MBD5: variants seen among roughly 807,000 people sequenced by gnomAD.
The protein encoded by MBD5 is methyl-CpG binding domain protein 5, also known as methyl-CpG-binding domain protein 5.
In MBD5, 13 loss-of-function variants were observed where a neutral mutation model predicts 117.3. The ratio of observed to expected loss-of-function variants is 0.11; its 90% CI spans 0.07 to 0.18. MBD5 has a LOEUF of 0.18. Ranked by LOEUF, MBD5 falls within the 10% of genes least tolerant of loss-of-function variation. The pLI, the probability that MBD5 is intolerant of heterozygous loss-of-function variation, is 1.00. For missense variants in MBD5, 1,879 were observed against 2,093.8 expected, an observed-to-expected ratio of 0.90 and a Z score of 2.00; for synonymous variants, 727 against 766.4, an observed-to-expected ratio of 0.95 and a Z score of 0.85.
chr2:148,489,900 G>C lies in MBD5; in HGVS notation c.4268G>C (p.Cys1423Ser), dbSNP rs1486727511. 6 of 1,614,032 alleles carry C rather than the reference G, an allele frequency of 3.7e-6. No individual in the cohort carries two copies. Among genetic ancestry groups the C allele is most frequent in the Non-Finnish European group, 5.1e-6 (6 of 1,180,050 alleles). The change falls in exon 11 of 14, where the codon TGC becomes TCC. Residue 1423 changes from cysteine (C) to serine (S), a missense_variant. By Grantham distance (112) the Cys-to-Ser change is moderately radical. Coordinates refer to ENST00000642680, the MANE Select transcript of MBD5 (RefSeq NM_001378120.1). ...TTTGAATATTTCAAGTCAGCAAGTTGCCACACATCCAAAAAACAGTGGGAC... is the reference window on the plus strand; with the variant it reads ...TTTGAATATTTCAAGTCAGCAAGTTCCCACACATCCAAAAAACAGTGGGAC... ...DGFEYFKSAS[C>S]HTSKKQWDGE...
chr2:148,459,490 T>G (rs983494132), intron 5 of MBD5, among the ~76,000 whole-genome samples: 5 of 151,926 alleles, frequency 3.3e-5, no homozygotes, highest in Admixed American at 1.3e-4. Flanking sequence ...GACTAAACTG[T>G]TAAGAAGAAG....
intron 1 of MBD5, chr2:148,055,173 G>T (rs1456287025): frequency 6.6e-6 from 1 of 152,024 alleles, no homozygotes; most frequent in Non-Finnish European, 1.5e-5. Flanking sequence ...TTGATAAATA[G>T]AAATAGTTAA....
chr2:148,044,045 T>C (rs1694449173), intron 1 of MBD5, among the ~76,000 whole-genome samples: 1 of 152,234 alleles, frequency 6.6e-6, no homozygotes, highest in African/African-American at 2.4e-5. Flanking sequence ...ACTTCAGATG[T>C]ACGTAGTGAT....
At chr2:148,338,467 C>G (rs1202279117) in intron 3 of MBD5, among the ~76,000 whole-genome samples, 1 of 151,926 alleles carries the variant, frequency 6.6e-6, no homozygotes, top group Non-Finnish European at 1.5e-5. Flanking sequence ...GGTATTTGTA[C>G]ATAATAATCA....
chr2:148,464,936 C>T (rs555186555), intron 7 of MBD5, among the ~76,000 whole-genome samples: 1 of 151,488 alleles, frequency 6.6e-6, no homozygotes, highest in African/African-American at 2.4e-5. Context: ...CACCACTGTG[C>T]TCCAACCTGA....
intron 1 of MBD5, among the ~76,000 whole-genome samples, chr2:148,159,635 T>C (rs1321227512): frequency 6.6e-6 from 1 of 152,164 alleles, no homozygotes; most frequent in Non-Finnish European, 1.5e-5. Flanking sequence ...CTTTTTCTCA[T>C]AGGTATAGCA....
intron 1 of MBD5, among the ~76,000 whole-genome samples, chr2:148,125,932 G>A (rs1374015265): frequency 6.6e-6 from 1 of 152,276 alleles, no homozygotes; most frequent in East Asian, 1.9e-4. Context: ...AGAAAGATTT[G>A]TAGAGTCCCA....
At chr2:148,048,922 C>T (rs1694617940) in intron 1 of MBD5, among the ~76,000 whole-genome samples, 1 of 152,098 alleles carries the variant, frequency 6.6e-6, no homozygotes, top group African/African-American at 2.4e-5. Context: ...TAGTCTAGTC[C>T]ACTCTTCTTA....
chr2:148,427,445 A>G (rs1705834941), intron 4 of MBD5, among the ~76,000 whole-genome samples: 1 of 152,192 alleles, frequency 6.6e-6, no homozygotes, highest in Admixed American at 6.5e-5. Context: ...TACACCATGG[A>G]ATACTATGCA....
chr2:148,462,713 G>A (rs771763754), intron 6 of MBD5, 29 bp downstream of exon 6: 2 of 1,400,556 alleles, frequency 1.4e-6, no homozygotes, highest in Admixed American at 3.4e-5. Context: ...ATCTACAGCA[G>A]TGTTTTATTT....
At chr2:148,126,367 C>G (rs1035496369) in intron 1 of MBD5, among the ~76,000 whole-genome samples, 2 of 141,654 alleles carry the variant, frequency 1.4e-5, no homozygotes, top group Non-Finnish European at 3.0e-5. Flanking sequence ...GATCGTGCCA[C>G]TGTACTCCAT....
chr2:148,224,259 T>C (rs766242069), intron 2 of MBD5, among the ~76,000 whole-genome samples: 1 of 152,202 alleles, frequency 6.6e-6, no homozygotes, highest in Non-Finnish European at 1.5e-5. Flanking sequence ...GATTGTCCAA[T>C]GTTGCTTTGT....
chr2:148,478,022 A>G (rs956635307), intron 8 of MBD5, among the ~76,000 whole-genome samples: 2 of 152,204 alleles, frequency 1.3e-5, no homozygotes, highest in Non-Finnish European at 2.9e-5. Context: ...AAAGACGTGT[A>G]TAACAATATT....
At chr2:148,165,705 T>G (rs1324574572) in intron 1 of MBD5, among the ~76,000 whole-genome samples, 1 of 152,154 alleles carries the variant, frequency 6.6e-6, no homozygotes, top group Non-Finnish European at 1.5e-5. Context: ...TATCTATGTC[T>G]ATATCTGCAA....
Position 148,457,717 on chromosome 2 carries a change from C to A in MBD5, c.-556-486C>A, listed in dbSNP as rs993711149. ...AAAAGTACTATAAATTTATTTCCTT[C>A]TAACTTTTTATTTTAAAAAAATAAA... On this transcript the variant is annotated intron_variant, in intron 4 of 13. Coordinates refer to ENST00000642680, the MANE Select transcript of MBD5 (RefSeq NM_001378120.1). Among the ~76,000 whole-genome samples the A allele has an allele frequency of 5.9e-4, 89 of 152,088 alleles. 1 individual carries two copies. The highest frequency in any genetic ancestry group is 2.0e-3 in the African/African-American group (84 of 41,414).
chr2:148,429,606 T>C (rs963691673), intron 4 of MBD5, among the ~76,000 whole-genome samples: 1 of 152,126 alleles, frequency 6.6e-6, no homozygotes, highest in Admixed American at 6.6e-5. Flanking sequence ...CAAATGCTCA[T>C]CAATGATAGA....
intron 4 of MBD5, among the ~76,000 whole-genome samples, chr2:148,354,607 T>G (rs929530005): frequency 6.6e-6 from 1 of 152,214 alleles, no homozygotes; most frequent in Admixed American, 6.5e-5. Context: ...GTAGAATGAT[T>G]TATAATCCTT....
At chr2:148,301,126 A>G (rs1701768978) in intron 3 of MBD5, among the ~76,000 whole-genome samples, 1 of 152,250 alleles carries the variant, frequency 6.6e-6, no homozygotes, top group Non-Finnish European at 1.5e-5. Flanking sequence ...TCATAAGCCA[A>G]TATAGCAACA....
At chr2:148,428,167 G>C (rs1405329617) in intron 4 of MBD5, among the ~76,000 whole-genome samples, 1 of 152,168 alleles carries the variant, frequency 6.6e-6, no homozygotes, top group African/African-American at 2.4e-5. Flanking sequence ...CAAAATCAAT[G>C]TGCAAAAATC....
Sources: allele counts gnomAD v4.1 joint callset (sites outside exome capture counted in the v4.1 genomes callset), GRCh38; gene constraint gnomAD v4.1.1; transcripts MANE v1.5; gene names NCBI Gene and HGNC (gene_info 2026-07-23, HGNC 2026-07-21).